GLIS3: variants seen among roughly 807,000 people sequenced by gnomAD.
The protein encoded by GLIS3 is zinc finger protein GLIS3.
A neutral mutation model predicts 78.6 loss-of-function variants in GLIS3; 53 were observed. That is an observed-to-expected ratio of 0.67 (90% CI 0.54 to 0.85). The LOEUF (loss-of-function observed/expected upper bound fraction) is 0.85. GLIS3 is among the 40% of genes least tolerant of loss of function. GLIS3 has a pLI of 0.00. For missense variants in GLIS3, 1,703 were observed against 1,231.1 expected (o/e 1.38, Z -5.74); for synonymous variants, 684 against 509.9 (o/e 1.34, Z -4.60).
chr9:4,313,153 G>A (rs914764930), intron 2 of GLIS3, among the ~76,000 whole-genome samples: 1 of 152,178 alleles, frequency 6.6e-6, no homozygotes, highest in African/African-American at 2.4e-5. Context: ...CATGGGAGGT[G>A]GAGGTTGGAC....
rs745409957 is a variant in GLIS3 at position 4,118,686 on chromosome 9, A to G, written c.792T>C (p.Ser264=). Residue 264 remains serine, a synonymous_variant, in exon 4 of 11, where the codon AGT becomes AGC. Coordinates refer to ENST00000381971, the MANE Select transcript of GLIS3 (RefSeq NM_001042413.2). The surrounding 1 kb of genome is among the most constrained non-coding windows in gnomAD (Gnocchi z 4.7). The stretch of plus-strand genomic sequence containing the variant: ...GGTAGGATGGTAATGAGTTAGAGAC[A>G]CTATTGCTGGACATGGATGTCCCGG... ...LPPGTSMSSN[S]VSNSLPSYLF... 1.2e-6 allele frequency: 2 copies of G among 1,614,076 alleles called. No individual in the cohort carries two copies. The highest frequency in any genetic ancestry group is 1.7e-6 in the Non-Finnish European group (2 of 1,180,008).
At chr9:3,986,090 G>A (rs1819720608) in intron 4 of GLIS3, among the ~76,000 whole-genome samples, 1 of 152,200 alleles carries the variant, frequency 6.6e-6, no homozygotes, top group Non-Finnish European at 1.5e-5. Context: ...AATAATTTGT[G>A]GAAAATTAAA....
the GLIS3 span, among the ~76,000 whole-genome samples, chr9:4,487,464 C>A: frequency 0.012 from 1,900 of 152,148 alleles, 43 homozygotes; most frequent in African/African-American, 0.043. Context: ...AAATTTAAGC[C>A]AGGTGCCCAA....
intron 4 of GLIS3, among the ~76,000 whole-genome samples, chr9:4,054,676 A>T (rs7031977): frequency 0.24 from 35,940 of 151,020 alleles, 5,220 homozygotes; most frequent in South Asian, 0.44. Flanking sequence ...GCTGTTTCTC[A>T]ACAAAAAAAA....
chr9:4,032,616 A>G (rs565497066), intron 4 of GLIS3, among the ~76,000 whole-genome samples: 1 of 152,304 alleles, frequency 6.6e-6, no homozygotes, highest in South Asian at 2.1e-4. Context: ...GCAACAAGGA[A>G]AACATACGCA....
At chr9:4,317,095 G>C (rs1563930650) in intron 2 of GLIS3, among the ~76,000 whole-genome samples, 1 of 152,178 alleles carries the variant, frequency 6.6e-6, no homozygotes, top group Non-Finnish European at 1.5e-5. Flanking sequence ...AGAAAAGATG[G>C]TCTTTGATAT....
chr9:4,047,623 C>A (rs530951598), intron 4 of GLIS3, among the ~76,000 whole-genome samples: 1 of 152,144 alleles, frequency 6.6e-6, no homozygotes, highest in Non-Finnish European at 1.5e-5. Flanking sequence ...AAGTGACTTA[C>A]ACATGGTTCC....
chr9:4,386,896 G>A, the GLIS3 span, among the ~76,000 whole-genome samples: 2 of 152,138 alleles, frequency 1.3e-5, no homozygotes, highest in African/African-American at 4.8e-5. Context: ...GGGACCGATG[G>A]TCTTTTTTCT....
At position 4,035,796 on chromosome 9, in the gene GLIS3, T is replaced by C. The variant is rs569322819; in HGVS notation, c.1710+81972A>G. 4.6e-5 allele frequency: 7 copies of C among 152,434 alleles called. No individual in the cohort carries two copies. The East Asian group carries it at 5.8e-4, about 13-fold the overall frequency. The allele number at this position is 152,434 out of a possible 1,614,324, so 9.4% of individuals were successfully genotyped here. A position where few individuals can be genotyped will look rare whatever the true frequency, so the allele number is the denominator to read the frequency against. On this transcript the variant is annotated intron_variant, in intron 4 of 10. Transcript: ENST00000381971. ...GTCTTCCTGTACTTGACCCAAACGA[T>C]TGTATCCCTGCCCCACTCAAATGCA...
At chr9:3,980,024 G>A (rs780661531) in intron 4 of GLIS3, among the ~76,000 whole-genome samples, 5 of 152,172 alleles carry the variant, frequency 3.3e-5, no homozygotes, top group Non-Finnish European at 7.3e-5. Context: ...TCTGGGGTCA[G>A]AGGAGGTCTC....
intron 2 of GLIS3, among the ~76,000 whole-genome samples, chr9:4,216,276 T>A (rs951414259): frequency 6.6e-6 from 1 of 151,812 alleles, no homozygotes; most frequent in Non-Finnish European, 1.5e-5. Flanking sequence ...ATCGAGACCA[T>A]CCTGGCTAAC....
At chr9:3,835,049 C>T (rs1326351075) in intron 9 of GLIS3, among the ~76,000 whole-genome samples, 1 of 152,184 alleles carries the variant, frequency 6.6e-6, no homozygotes, top group African/African-American at 2.4e-5. Context: ...TGTTGAGGAA[C>T]ATGGATGGTG....
intron 2 of GLIS3, among the ~76,000 whole-genome samples, chr9:4,165,494 T>C (rs1285367099): frequency 6.6e-6 from 1 of 152,154 alleles, no homozygotes; most frequent in African/African-American, 2.4e-5. Context: ...GGGAAAAAGA[T>C]TTTCTAAGTT....
At chr9:4,183,084 C>G (rs912806850) in intron 2 of GLIS3, among the ~76,000 whole-genome samples, 1 of 152,168 alleles carries the variant, frequency 6.6e-6, no homozygotes, top group African/African-American at 2.4e-5. Flanking sequence ...TCCTGTGATG[C>G]TATTTGGCCT....
At chr9:4,266,092 G>C (rs1825979050) in intron 2 of GLIS3, among the ~76,000 whole-genome samples, 1 of 151,716 alleles carries the variant, frequency 6.6e-6, no homozygotes. Context: ...CTAATTTTTT[G>C]TATTTTTAGT....
intron 2 of GLIS3, among the ~76,000 whole-genome samples, chr9:4,172,088 T>C (rs1816422411): frequency 6.6e-6 from 1 of 152,200 alleles, no homozygotes; most frequent in Non-Finnish European, 1.5e-5. Flanking sequence ...TTTAAGGCTA[T>C]ATGAGAAATG....
chr9:4,152,028 A>C, intron 2 of GLIS3: 4 of 441,840 alleles, frequency 9.1e-6, no homozygotes, highest in Non-Finnish European at 9.0e-6. Context: ...CTTGTATGAA[A>C]AAACCAGAAC....
At chr9:4,221,843 T>C (rs1160034183) in intron 2 of GLIS3, among the ~76,000 whole-genome samples, 2 of 152,240 alleles carry the variant, frequency 1.3e-5, no homozygotes, top group Non-Finnish European at 1.5e-5. Context: ...CAGGCCACCA[T>C]ATCTCCATCT....
intron 2 of GLIS3, among the ~76,000 whole-genome samples, chr9:4,223,184 G>A (rs556225892): frequency 6.6e-5 from 10 of 152,226 alleles, no homozygotes; most frequent in African/African-American, 1.9e-4. Flanking sequence ...CTGGAAAAAC[G>A]AATTGAACAT....
Sources: gnomAD v4.1 joint callset for allele counts (sites outside exome capture counted in the v4.1 genomes callset) on GRCh38, gnomAD v4.1.1 for gene constraint, Gnocchi (gnomAD v3.1) non-coding constraint, MANE v1.5 for transcripts, NCBI Gene and HGNC (gene_info 2026-07-23, HGNC 2026-07-21) for gene names.